Variants in SEC22B observed in about 807,000 individuals in gnomAD.
SEC22B encodes the protein vesicle-trafficking protein SEC22b.
SEC22B carries 10 observed loss-of-function variants against 31.4 expected under a neutral mutation model. The ratio of observed to expected loss-of-function variants is 0.32; its 90% CI spans 0.20 to 0.54. The LOEUF (loss-of-function observed/expected upper bound fraction) is 0.54, where lower values mean the gene tolerates loss of function less well. Among genes scored for constraint, SEC22B ranks in the 20% least tolerant of loss-of-function variants. The pLI is 0.94. For missense variants in SEC22B, 130 were observed against 263.4 expected (o/e 0.49, Z 3.50); for synonymous variants, 60 against 95.9 (o/e 0.63, Z 2.19).
intron 2 of SEC22B, among the ~76,000 whole-genome samples, chr1:120,164,866 T>C (rs1471356736): frequency 2.0e-5 from 3 of 152,154 alleles, no homozygotes; most frequent in Admixed American, 2.0e-4. Context: ...TGAATTTACA[T>C]TCCCACGAAC....
intron 2 of SEC22B, among the ~76,000 whole-genome samples, chr1:120,165,120 ACTTTTT>A (rs1657786306): frequency 6.6e-6 from 1 of 152,130 alleles, no homozygotes; most frequent in Non-Finnish European, 1.5e-5. Flanking sequence ...AATACTTAAG[ACTTTTT>A]CTTGAAAAAT....
In SEC22B at chr1:120,160,415, T is replaced by C. The variant is rs1439170535; in HGVS notation, c.462A>G (p.Glu154=). Residue 154 remains glutamate, a synonymous_variant, in exon 4 of 5, where the codon GAA becomes GAG. Coordinates refer to ENST00000578049, the MANE Select transcript of SEC22B (RefSeq NM_004892.6). ...DVQRIMVANI[E]EVLQRGEALS... ...GTGCTTCTCCTCGTTGTAACACTTC[T>C]TCAATATTGGCCACCATGATCCTCT... 1.7e-5 allele frequency: 27 copies of C among 1,612,802 alleles called. No individual in the cohort carries two copies. Among genetic ancestry groups the C allele is most frequent in the Non-Finnish European group, 2.2e-5 (26 of 1,179,326 alleles).
At chr1:120,169,061 A>G (rs1200079453) in intron 1 of SEC22B, 112 bp from the exon 2 acceptor site, 6 of 385,490 alleles carry the variant, frequency 1.6e-5, no homozygotes, top group Admixed American at 4.6e-5. Flanking sequence ...ACAGGTAAGT[A>G]AGATTCATTT....
Position 120,160,445 on chromosome 1 carries a change from A to C in SEC22B, c.432T>G (p.Asp144Glu). ...NLGSINTELQ[D>E]VQRIMVANIE... ...TATTGGCCACCATGATCCTCTGCACATCTTGCAATTCAGTGTTGATGGAGC... is the reference window on the plus strand; with the variant it reads ...TATTGGCCACCATGATCCTCTGCACCTCTTGCAATTCAGTGTTGATGGAGC... The change falls in exon 4 of 5, where the codon GAT (aspartate) becomes GAG (glutamate). Residue 144 changes from aspartate to glutamate, a missense_variant. By Grantham distance (45) the Asp-to-Glu change is conservative. Coordinates refer to ENST00000578049, the MANE Select transcript of SEC22B (RefSeq NM_004892.6). The C allele has an allele frequency of 6.2e-7, 1 of 1,612,892 alleles. No homozygotes were observed. The highest frequency in any genetic ancestry group is 1.1e-5 in the South Asian group (1 of 90,824).
intron 1 of SEC22B, among the ~76,000 whole-genome samples, chr1:120,170,513 G>T (rs2101132014): frequency 6.6e-6 from 1 of 151,558 alleles, no homozygotes; most frequent in Admixed American, 6.6e-5. Context: ...ATTTCAATAA[G>T]AATAAGAAGG....
At position 120,151,359 on chromosome 1, in the gene SEC22B, G is replaced by A. The variant is rs1188688283; in HGVS notation, c.*5679C>T. 1 of 152,238 alleles carries A rather than the reference G, an allele frequency of 6.6e-6. No homozygotes were observed. The highest frequency in any genetic ancestry group is 1.5e-5 in the Non-Finnish European group (1 of 68,070). 9.4% of individuals were successfully genotyped at this position (152,238 alleles called of 1,614,324 possible). A position where few individuals can be genotyped will look rare whatever the true frequency, so the allele number is the denominator to read the frequency against. On this transcript the variant is annotated 3_prime_UTR_variant, in exon 5 of 5. Transcript: ENST00000578049. ...CAAGTATGTGATCTTTTATTCTAAAGAAAATGTAGTATGATTAGCACACAC... is the reference window on the plus strand; with the variant it reads ...CAAGTATGTGATCTTTTATTCTAAAAAAAATGTAGTATGATTAGCACACAC...
At chr1:120,163,945 C>CTTTTTTTTTTTTTTTTTTT (rs1169530604) in intron 2 of SEC22B, among the ~76,000 whole-genome samples, 2 of 68,934 alleles carry the variant, frequency 2.9e-5, no homozygotes, top group Admixed American at 1.6e-4. Flanking sequence ...ATTAGATTCT[C>CTTTTTTTTTTTTTTTTTTT]TTTTTTTTTT....
rs1329687374 is a variant in SEC22B at position 120,153,027 on chromosome 1, A to G, written c.*4011T>C. On this transcript the variant is annotated 3_prime_UTR_variant, in exon 5 of 5. Transcript: ENST00000578049. ...ATTACTATATGGAAGTCAAATTTCT[A>G]GTGACTTTTCTAATCCAAACATGAA... The G allele has an allele frequency of 3.3e-5, 5 of 150,474 alleles. No homozygotes were observed. Among genetic ancestry groups the G allele is most frequent in the Non-Finnish European group, 7.4e-5 (5 of 67,934 alleles). The allele number at this position is 150,474 out of a possible 1,614,324, so 9.3% of individuals were successfully genotyped here.
rs1570867000 is a variant in SEC22B, at chr1:120,163,125, T to A, written c.346+85A>T. The A allele has an allele frequency of 3.1e-5, 17 of 552,290 alleles. No homozygotes were observed. In the East Asian group the frequency reaches 4.4e-4, roughly 14 times the overall value. 34.2% of individuals were successfully genotyped at this position (552,290 alleles called of 1,614,324 possible). A position where few individuals can be genotyped will look rare whatever the true frequency, so the allele number is the denominator to read the frequency against. On this transcript the variant is annotated intron_variant, in intron 3 of 4. Transcript: ENST00000578049. ...TTCAGCAAGTAAACATCAGAAAAAATGTATAAATATTATATCAGTGTAACA... is the reference window on the plus strand; with the variant it reads ...TTCAGCAAGTAAACATCAGAAAAAAAGTATAAATATTATATCAGTGTAACA...
In SEC22B at chr1:120,153,245, A is replaced by AAACC. The variant is rs1160966079; in HGVS notation, c.*3789_*3792dup. ...CCTTCCTCCTGAGCCATCTGGGAAAAAACCAACCAACCAACCAACCAAACA... is the reference window on the plus strand; with the variant it reads ...CCTTCCTCCTGAGCCATCTGGGAAAAAACCAACCAACCAACCAACCAACCAAACA... On this transcript the variant is annotated 3_prime_UTR_variant, in exon 5 of 5. Coordinates refer to ENST00000578049, the MANE Select transcript of SEC22B (RefSeq NM_004892.6). The AAACC allele has an allele frequency of 6.9e-6, 1 of 144,386 alleles. No homozygotes were observed. The highest frequency in any genetic ancestry group is 1.5e-5 in the Non-Finnish European group (1 of 67,556). The allele number at this position is 144,386 out of a possible 1,614,324, so 8.9% of individuals were successfully genotyped here. A position where few individuals can be genotyped will look rare whatever the true frequency, so the allele number is the denominator to read the frequency against.
chr1:120,171,177 G>T (rs1657891061), intron 1 of SEC22B, among the ~76,000 whole-genome samples: 1 of 132,174 alleles, frequency 7.6e-6, no homozygotes, highest in Admixed American at 7.0e-5. Context: ...GTGGGGCTGT[G>T]ATATCGGTAT....
In SEC22B at chr1:120,169,558, T is replaced by G. The variant is rs1235706105; in HGVS notation, c.76-609A>C. Reference sequence around the variant, plus strand: ...AGTTTGGACAGCAAAAGTTTGAATATCGAGGGATATATGCAGACAAAAATG... The same window carrying G: ...AGTTTGGACAGCAAAAGTTTGAATAGCGAGGGATATATGCAGACAAAAATG... On this transcript the variant is annotated intron_variant, in intron 1 of 4. Transcript: ENST00000578049. 2.0e-5 allele frequency among the ~76,000 whole-genome samples: 3 copies of G among 152,144 alleles called. No individual in the cohort carries two copies. The East Asian group carries it at 5.8e-4, about 29-fold the overall frequency.
intron 4 of SEC22B, among the ~76,000 whole-genome samples, 152 bp downstream of exon 4, chr1:120,160,232 T>C (rs1657692442): frequency 6.7e-6 from 1 of 149,898 alleles, no homozygotes; most frequent in Non-Finnish European, 1.5e-5. Flanking sequence ...AAAAAAAATA[T>C]ATTGGAAGCA....
At chr1:120,161,209 A>G (rs1457515945) in intron 3 of SEC22B, among the ~76,000 whole-genome samples, 5 of 152,188 alleles carry the variant, frequency 3.3e-5, no homozygotes, top group Non-Finnish European at 7.3e-5. Flanking sequence ...ACCTCTACAC[A>G]TTCCTTAAAA....
Position 120,151,116 on chromosome 1 carries a change from A to C in SEC22B, c.*5922T>G, listed in dbSNP as rs1201406361. 6.6e-6 allele frequency: 1 copy of C among 152,244 alleles called. No individual in the cohort carries two copies. Among genetic ancestry groups the C allele is most frequent in the Non-Finnish European group, 1.5e-5 (1 of 68,046 alleles). 9.4% of individuals were successfully genotyped at this position (152,244 alleles called of 1,614,324 possible). A position where few individuals can be genotyped will look rare whatever the true frequency, so the allele number is the denominator to read the frequency against. ...GTTTTGGAGGGGCCAAACAACATGCAAACCATAGCAGCAGGTTTAAAGGTA... is the reference window on the plus strand; with the variant it reads ...GTTTTGGAGGGGCCAAACAACATGCCAACCATAGCAGCAGGTTTAAAGGTA... On this transcript the variant is annotated 3_prime_UTR_variant, in exon 5 of 5. Transcript: ENST00000578049.
At chr1:120,157,737 AAC>A (rs1243670032) in intron 4 of SEC22B, 4 of 149,130 alleles carry the variant, frequency 2.7e-5, no homozygotes, top group Non-Finnish European at 5.9e-5. Context: ...CAATTAACCA[AAC>A]ACAGTCTTAA....
intron 1 of SEC22B, among the ~76,000 whole-genome samples, chr1:120,174,266 A>T (rs1447330310): frequency 2.0e-5 from 3 of 152,304 alleles, no homozygotes; most frequent in African/African-American, 7.2e-5. Context: ...AAATAAAAAA[A>T]TGAACTTAAT....
intron 2 of SEC22B, among the ~76,000 whole-genome samples, chr1:120,166,078 C>T (rs1657802107): frequency 1.3e-5 from 2 of 150,714 alleles, no homozygotes; most frequent in South Asian, 4.2e-4. Flanking sequence ...AAATAAAAAC[C>T]ACAACGACAT....
Position 120,163,227 on chromosome 1 carries a change from T to C in SEC22B, c.329A>G (p.Tyr110Cys), listed in dbSNP as rs1657747446. 1.3e-6 allele frequency: 2 copies of C among 1,544,666 alleles called. No individual in the cohort carries two copies. The highest frequency in any genetic ancestry group is 2.3e-5 in the East Asian group (1 of 42,758). Residue 110 changes from tyrosine (Y) to cysteine (C), a missense_variant, in exon 3 of 5, where the codon TAT becomes TGT. Physicochemically the swap from Tyr to Cys is radical, Grantham distance 194 (BLOSUM62 -2). This residue lies in a region of SEC22B where 41 missense variants were observed against 124.9 expected (regional missense o/e 0.33). Coordinates refer to ENST00000578049, the MANE Select transcript of SEC22B (RefSeq NM_004892.6). ...AAACTTACCAAATTCAATAAAGGAATAGGGTCGGGACACAGTGGGCACCTT... is the reference window on the plus strand; with the variant it reads ...AAACTTACCAAATTCAATAAAGGAACAGGGTCGGGACACAGTGGGCACCTT... Reference protein sequence around the residue: ...GKKVPTVSRPYSFIEFDTFIQ... With the variant: ...GKKVPTVSRPCSFIEFDTFIQ...
Sources: allele counts gnomAD v4.1 joint callset (sites outside exome capture counted in the v4.1 genomes callset), GRCh38; gene constraint gnomAD v4.1.1; regional missense constraint gnomAD v4.1.1; transcripts MANE v1.5; gene names NCBI Gene and HGNC (gene_info 2026-07-23, HGNC 2026-07-21).